Variants in KLHL1 observed in about 807,000 individuals in gnomAD.
The protein encoded by KLHL1 is kelch-like protein 1.
A neutral mutation model predicts 77.7 loss-of-function variants in KLHL1; 47 were observed. The ratio of observed to expected loss-of-function variants is 0.60; its 90% confidence interval spans 0.48 to 0.77. The LOEUF (loss-of-function observed/expected upper bound fraction) is 0.77, where lower values mean the gene tolerates loss of function less well. Ranked by LOEUF, KLHL1 falls within the 30% of genes least tolerant of loss-of-function variation. KLHL1 has a pLI of 0.00. For synonymous variants in KLHL1, 360 were observed against 325.2 expected (o/e 1.11, Z -1.15); for missense variants, 925 against 910.8 (o/e 1.02, Z -0.20).
At chr13:69,720,865 C>T (rs1470128311) in intron 8 of KLHL1, among the ~76,000 whole-genome samples, 1 of 148,920 alleles carries the variant, frequency 6.7e-6, no homozygotes, top group East Asian at 2.1e-4. Flanking sequence ...AGACTTTTCT[C>T]CTGAGTACAA....
At chr13:69,982,927 G>C (rs1884754111) in intron 1 of KLHL1, among the ~76,000 whole-genome samples, 1 of 152,082 alleles carries the variant, frequency 6.6e-6, no homozygotes, top group African/African-American at 2.4e-5. Flanking sequence ...AATTGTCCCT[G>C]TTTGCAGATG....
intron 5 of KLHL1, among the ~76,000 whole-genome samples, chr13:69,841,586 G>T (rs1378575179): frequency 6.6e-6 from 1 of 151,760 alleles, no homozygotes; most frequent in Admixed American, 6.6e-5. Flanking sequence ...AAAATCCCAT[G>T]CTCACAGATC....
At chr13:70,008,150 G>A (rs1885449238) in intron 1 of KLHL1, among the ~76,000 whole-genome samples, 1 of 151,944 alleles carries the variant, frequency 6.6e-6, no homozygotes, top group Non-Finnish European at 1.5e-5. Flanking sequence ...ATTTTCTACA[G>A]GACCTAGGAG....
chr13:69,914,180 C>G (rs1882338781), intron 4 of KLHL1, among the ~76,000 whole-genome samples: 1 of 152,124 alleles, frequency 6.6e-6, no homozygotes, highest in Non-Finnish European at 1.5e-5. Context: ...TGTGAGTCAA[C>G]AGTGCTTAAT....
chr13:69,927,735 A>G (rs1882864258), intron 4 of KLHL1, among the ~76,000 whole-genome samples: 1 of 152,230 alleles, frequency 6.6e-6, no homozygotes, highest in Non-Finnish European at 1.5e-5. Context: ...GGCTATAATC[A>G]ATAAAAAACA....
rs533055377 is a variant in KLHL1 at position 70,069,880 on chromosome 13, C to G, written c.497+37323G>C. Among the ~76,000 whole-genome samples the G allele has an allele frequency of 2.6e-5, 4 of 151,406 alleles. No individual in the cohort carries two copies. In the South Asian group the frequency reaches 8.3e-4, roughly 31 times the overall value. ...CAAGGAGAAAAATGAGAGAAAGAAGCAGATGAGGCCGGGCACGGTGGCTCA... is the reference window on the plus strand; with the variant it reads ...CAAGGAGAAAAATGAGAGAAAGAAGGAGATGAGGCCGGGCACGGTGGCTCA... On this transcript the variant is annotated intron_variant, in intron 1 of 10. Coordinates refer to ENST00000377844, the MANE Select transcript of KLHL1 (RefSeq NM_020866.3).
intron 6 of KLHL1, among the ~76,000 whole-genome samples, chr13:69,810,896 G>T (rs1877850429): frequency 6.6e-6 from 1 of 151,950 alleles, no homozygotes; most frequent in African/African-American, 2.4e-5. Context: ...TAAATTCATG[G>T]AAACACTACC....
chr13:70,003,294 G>A (rs1226195228), intron 1 of KLHL1, among the ~76,000 whole-genome samples: 1 of 151,558 alleles, frequency 6.6e-6, no homozygotes, highest in Non-Finnish European at 1.5e-5. Flanking sequence ...AAACTTCAAG[G>A]GAAAATGTAA....
At chr13:69,825,959 C>T (rs1237699531) in intron 6 of KLHL1, among the ~76,000 whole-genome samples, 1 of 150,446 alleles carries the variant, frequency 6.6e-6, no homozygotes, top group Non-Finnish European at 1.5e-5. Flanking sequence ...GTTTATACAA[C>T]ATATTATGGC....
chr13:69,870,528 C>T (rs1023123563), intron 5 of KLHL1, among the ~76,000 whole-genome samples: 2 of 152,058 alleles, frequency 1.3e-5, no homozygotes, highest in African/African-American at 4.8e-5. Flanking sequence ...TATCATCATG[C>T]CACCCCAATT....
intron 7 of KLHL1, among the ~76,000 whole-genome samples, chr13:69,744,367 A>G (rs942944721): frequency 3.9e-5 from 6 of 152,072 alleles, no homozygotes; most frequent in Admixed American, 6.6e-5. Flanking sequence ...GGTTCTGCAC[A>G]TGGTTTAATC....
chr13:70,062,819 T>C (rs1223582544), intron 1 of KLHL1, among the ~76,000 whole-genome samples: 1 of 152,184 alleles, frequency 6.6e-6, no homozygotes, highest in Non-Finnish European at 1.5e-5. Flanking sequence ...AACAAAATTA[T>C]ATTTTAGTTA....
chr13:70,050,711 T>C (rs977461637), intron 1 of KLHL1, among the ~76,000 whole-genome samples: 4 of 152,148 alleles, frequency 2.6e-5, no homozygotes, highest in African/African-American at 9.6e-5. Flanking sequence ...TTAATCATGA[T>C]CAAAATATAA....
At chr13:69,780,349 A>G (rs111265558) in intron 7 of KLHL1, among the ~76,000 whole-genome samples, 3,315 of 152,214 alleles carry the variant, frequency 0.022, 52 homozygotes, top group Non-Finnish European at 0.034. Context: ...AAAACTTACA[A>G]AACTTTGAAG....
chr13:70,068,307 C>CCGCAG (rs1887060837), intron 1 of KLHL1, among the ~76,000 whole-genome samples: 1 of 151,846 alleles, frequency 6.6e-6, no homozygotes, highest in South Asian at 2.1e-4. Flanking sequence ...CGCCACTGCA[C>CCGCAG]TCCAGCCTGG....
intron 1 of KLHL1, among the ~76,000 whole-genome samples, chr13:69,997,394 CAGA>C (rs58579503): frequency 0.21 from 31,541 of 151,058 alleles, 3,431 homozygotes; most frequent in Admixed American, 0.25. Context: ...CGACGTTGCA[CAGA>C]AGATGTCTAC....
intron 1 of KLHL1, among the ~76,000 whole-genome samples, chr13:70,037,467 G>A (rs1403238044): frequency 2.0e-5 from 3 of 151,828 alleles, no homozygotes; most frequent in South Asian, 2.1e-4. Flanking sequence ...TTGATATTCT[G>A]TTATATACCC....
intron 2 of KLHL1, among the ~76,000 whole-genome samples, chr13:69,963,984 T>C (rs1474820543): frequency 6.6e-6 from 1 of 152,156 alleles, no homozygotes; most frequent in Non-Finnish European, 1.5e-5. Context: ...GTGATTTTTT[T>C]TGAACTTGAA....
intron 6 of KLHL1, among the ~76,000 whole-genome samples, chr13:69,833,667 A>G (rs986290485): frequency 1.3e-5 from 2 of 151,926 alleles, no homozygotes; most frequent in African/African-American, 4.8e-5. Flanking sequence ...ATGTGTGTTT[A>G]TAGCAACATA....
Sources: gnomAD v4.1 joint callset for allele counts (sites outside exome capture counted in the v4.1 genomes callset) on GRCh38, gnomAD v4.1.1 for gene constraint, MANE v1.5 for transcripts, NCBI Gene and HGNC (gene_info 2026-07-23, HGNC 2026-07-21) for gene names.